KCNMA1: variants seen among roughly 807,000 people sequenced by gnomAD.
The protein encoded by KCNMA1 is Calcium-activated potassium channel subunit alpha-1.
Under a neutral mutation model 140.0 loss-of-function variants are expected in KCNMA1, and 29 were observed. The ratio of observed to expected loss-of-function variants is 0.21; its 90% CI spans 0.15 to 0.28. KCNMA1 has a LOEUF of 0.28. KCNMA1 is among the 10% of genes least tolerant of loss of function. The probability of loss-of-function intolerance (pLI) is 1.00; values close to 1 mark genes in which losing one functional copy is unlikely to be tolerated. For missense variants in KCNMA1, 880 were observed against 1,602.2 expected, an observed-to-expected ratio of 0.55 and a Z score of 7.70; for synonymous variants, 612 against 611.9, an observed-to-expected ratio of 1.00 and a Z score of 0.00.
At chr10:77,269,235 G>A (rs775956341) in intron 2 of KCNMA1, among the ~76,000 whole-genome samples, 8 of 152,160 alleles carry the variant, frequency 5.3e-5, no homozygotes, top group African/African-American at 4.8e-5. Context: ...TTCTTAAAAA[G>A]CACAAGGAAT....
chr10:77,167,095 C>T (rs1032393306), intron 5 of KCNMA1, among the ~76,000 whole-genome samples: 5 of 152,180 alleles, frequency 3.3e-5, no homozygotes, highest in Admixed American at 1.3e-4. Context: ...TATATTTATT[C>T]CCATTAATCA....
intron 1 of KCNMA1, among the ~76,000 whole-genome samples, chr10:77,577,479 A>G (rs2074549361): frequency 6.6e-6 from 1 of 152,168 alleles, no homozygotes; most frequent in African/African-American, 2.4e-5. Flanking sequence ...CCAGGTTTCT[A>G]TGCAAGATGG....
intron 8 of KCNMA1, among the ~76,000 whole-genome samples, chr10:77,109,187 T>TA (rs1401908704): frequency 1.3e-5 from 2 of 152,036 alleles, no homozygotes; most frequent in African/African-American, 4.8e-5. Context: ...GCTGGCTGGA[T>TA]GGGTCTTTTT....
intron 1 of KCNMA1, among the ~76,000 whole-genome samples, chr10:77,619,629 C>A (rs1244721276): frequency 6.6e-6 from 1 of 152,102 alleles, no homozygotes; most frequent in East Asian, 1.9e-4. Flanking sequence ...ATTGAGCGAC[C>A]CCTGGTCACT....
chr10:77,126,924 C>T (rs185130479), intron 5 of KCNMA1, among the ~76,000 whole-genome samples: 14 of 151,936 alleles, frequency 9.2e-5, no homozygotes, highest in Non-Finnish European at 1.8e-4. Flanking sequence ...ACCAGAAGAC[C>T]GAGCATTCTA....
At chr10:77,208,128 C>A (rs1382837499) in intron 3 of KCNMA1, among the ~76,000 whole-genome samples, 1 of 152,220 alleles carries the variant, frequency 6.6e-6, no homozygotes, top group Non-Finnish European at 1.5e-5. Flanking sequence ...TGCAAATCTG[C>A]GGATACGCAT....
intron 18 of KCNMA1, among the ~76,000 whole-genome samples, chr10:77,003,068 C>T (rs919300055): frequency 3.9e-5 from 6 of 152,090 alleles, no homozygotes; most frequent in African/African-American, 1.4e-4. Context: ...TGTTCTAAGA[C>T]CTTTATGACT....
intron 26 of KCNMA1, 75 bp downstream of exon 26, chr10:76,891,450 A>G: frequency 8.5e-7 from 1 of 1,170,742 alleles, no homozygotes; most frequent in South Asian, 1.3e-5. Context: ...AGCTTGTCAC[A>G]TCTGATACCA....
At position 76,953,861 on chromosome 10, in the gene KCNMA1, C is replaced by A. The variant is rs754668956; in HGVS notation, c.2424G>T (p.Lys808Asn). The A allele has an allele frequency of 6.2e-7, 1 of 1,614,072 alleles. No homozygotes were observed. Among genetic ancestry groups the A allele is most frequent in the South Asian group, 1.1e-5 (1 of 91,088 alleles). ...QIDNMDSNVK[K>N]YDSTGMFHWC... ...AGTGAAACATCCCAGTAGAGTCGTA[C>A]TTCTTCACATTGGAGTCCATGTTGT... Residue 808 changes from lysine (K) to asparagine (N), a missense_variant, in exon 21 of 28, where the codon AAG (lysine) becomes AAT (asparagine). Coordinates refer to ENST00000286628, the MANE Select transcript of KCNMA1 (RefSeq NM_001161352.2).
chr10:77,504,165 AC>A (rs1295216681), intron 1 of KCNMA1, among the ~76,000 whole-genome samples: 1 of 152,182 alleles, frequency 6.6e-6, no homozygotes, highest in Non-Finnish European at 1.5e-5. Context: ...ATGAGCTTAC[AC>A]TTCACTCACT....
chr10:76,886,651 C>T lies in KCNMA1; in HGVS notation c.*615G>A. On this transcript the variant is annotated 3_prime_UTR_variant, in exon 28 of 28. Transcript: ENST00000286628. ...GGCCTTGGTGAGTAACTAAAAAAAT[C>T]ACTGATGTTCTCTTGCAACAAGCAG... 1 of 991,064 alleles carries T rather than the reference C, an allele frequency of 1.0e-6. No individual in the cohort carries two copies. The highest frequency in any genetic ancestry group is 1.2e-6 in the Non-Finnish European group (1 of 833,338). 61.4% of individuals were successfully genotyped at this position (991,064 alleles called of 1,614,324 possible).
At chr10:77,052,930 T>C (rs2095422145) in intron 14 of KCNMA1, among the ~76,000 whole-genome samples, 1 of 152,206 alleles carries the variant, frequency 6.6e-6, no homozygotes. Context: ...TATCAAAGTA[T>C]TCCCCCAAAT....
At chr10:77,042,879 A>T (rs1206437928) in intron 14 of KCNMA1, among the ~76,000 whole-genome samples, 2 of 152,230 alleles carry the variant, frequency 1.3e-5, no homozygotes, top group Non-Finnish European at 2.9e-5. Context: ...TTGACTGCAT[A>T]TATTTTTAAT....
At chr10:77,312,864 A>ATG (rs140817645) in intron 2 of KCNMA1, among the ~76,000 whole-genome samples, 136 of 152,314 alleles carry the variant, frequency 8.9e-4, no homozygotes, top group Middle Eastern at 3.4e-3. Flanking sequence ...GAACTACAGC[A>ATG]TGATTTCACC....
intron 21 of KCNMA1, among the ~76,000 whole-genome samples, chr10:76,950,522 AC>A (rs2065852307): frequency 6.6e-6 from 1 of 152,140 alleles, no homozygotes; most frequent in Admixed American, 6.5e-5. Context: ...CCAGCCGTGG[AC>A]CTTTCTCTGC....
At chr10:77,386,097 C>T (rs759808345) in intron 2 of KCNMA1, among the ~76,000 whole-genome samples, 3 of 152,214 alleles carry the variant, frequency 2.0e-5, no homozygotes, top group South Asian at 2.1e-4. Context: ...TGGGCACTTT[C>T]GTGGCCATCC....
At chr10:77,183,605 T>C (rs2098820027) in intron 4 of KCNMA1, 73 bp from the exon 5 acceptor site, 15 of 1,054,080 alleles carry the variant, frequency 1.4e-5, no homozygotes, top group Middle Eastern at 2.0e-4. Flanking sequence ...TACACTCTTT[T>C]GTCAAAGGGT....
rs1318951307 is a variant in KCNMA1 at position 76,885,534 on chromosome 10, T to C, written c.*1732A>G. 1.0e-6 allele frequency: 1 copy of C among 985,256 alleles called. No homozygotes were observed. Among genetic ancestry groups the C allele is most frequent in the Non-Finnish European group, 1.2e-6 (1 of 829,898 alleles). 61.0% of individuals were successfully genotyped at this position (985,256 alleles called of 1,614,324 possible). ...CTATCATGCTTGAGGGGACGGGGGA[T>C]CCAAAATCTAAATCCAAAACATTCA... is the stretch of plus-strand genomic sequence containing the variant. On this transcript the variant is annotated 3_prime_UTR_variant, in exon 28 of 28. Coordinates refer to ENST00000286628, the MANE Select transcript of KCNMA1 (RefSeq NM_001161352.2).
At chr10:76,887,771 T>G (rs2037836420) in intron 27 of KCNMA1, 3 of 519,346 alleles carry the variant, frequency 5.8e-6, no homozygotes. Context: ...GAACCAAACT[T>G]CGCTTCTCGT....
Sources: gnomAD v4.1 joint callset for allele counts (sites outside exome capture counted in the v4.1 genomes callset) on GRCh38, gnomAD v4.1.1 for gene constraint, MANE v1.5 for transcripts, NCBI Gene and HGNC (gene_info 2026-07-23, HGNC 2026-07-21) for gene names.